RTL4: variants seen among roughly 807,000 people sequenced by gnomAD.
RTL4 encodes retrotransposon Gag-like protein 4.
RTL4 carries 4 observed loss-of-function variants against 5.3 expected under a neutral mutation model. The observed-to-expected ratio is 0.75, with a 90% CI of 0.37 to 1.72. The LOEUF (loss-of-function observed/expected upper bound fraction) is 1.72. RTL4 is among the 40% of genes most tolerant of loss of function. The probability of loss-of-function intolerance (pLI) is 0.04; values close to 1 mark genes in which losing one functional copy is unlikely to be tolerated. For synonymous variants in RTL4, 98 were observed against 87.3 expected (o/e 1.12, Z -0.68); for missense variants, 260 against 227.1 (o/e 1.14, Z -0.93).
chrX:112,229,079 A>AATCCTCATTC, the RTL4 span, among the ~76,000 whole-genome samples: 1 of 111,986 alleles, frequency 8.9e-6, no homozygotes, highest in African/African-American at 3.2e-5. Flanking sequence ...CAAGATCATT[A>AATCCTCATTC]ATCCTCATTC....
At chrX:112,345,053 G>T in the RTL4 span, among the ~76,000 whole-genome samples, 1 of 111,629 alleles carries the variant, frequency 9.0e-6, no homozygotes, top group Non-Finnish European at 1.9e-5. Flanking sequence ...CTGCCCTTGA[G>T]ACATAGGGAT....
At chrX:112,221,617 T>G in the RTL4 span, among the ~76,000 whole-genome samples, 1 of 112,172 alleles carries the variant, frequency 8.9e-6, no homozygotes, top group Non-Finnish European at 1.9e-5. Context: ...AGTTTATAGC[T>G]TGAGGGTCAT....
At chrX:112,272,386 T>A in the RTL4 span, among the ~76,000 whole-genome samples, 1 of 111,747 alleles carries the variant, frequency 8.9e-6, no homozygotes, top group Non-Finnish European at 1.9e-5. Flanking sequence ...GTCTGCGCAG[T>A]GGATCCTAAG....
the RTL4 span, among the ~76,000 whole-genome samples, chrX:112,200,707 C>T: frequency 4.5e-5 from 5 of 111,869 alleles, no homozygotes; most frequent in African/African-American, 1.6e-4. Context: ...GAGTTAAAAG[C>T]CAATAGGAAC....
chrX:112,256,395 C>T, the RTL4 span, among the ~76,000 whole-genome samples: 1 of 111,786 alleles, frequency 8.9e-6, no homozygotes, highest in Non-Finnish European at 1.9e-5. Context: ...TAGCATACTA[C>T]ACACACTGGT....
At chrX:112,353,760 G>C in the RTL4 span, among the ~76,000 whole-genome samples, 5 of 109,577 alleles carry the variant, frequency 4.6e-5, no homozygotes, top group Admixed American at 9.8e-5. Flanking sequence ...GTGCAGCACA[G>C]CAACATGGCA....
the RTL4 span, among the ~76,000 whole-genome samples, chrX:112,327,711 C>T: frequency 4.5e-5 from 5 of 110,603 alleles, no homozygotes; most frequent in Non-Finnish European, 7.6e-5. Context: ...TTGTCAGATT[C>T]ACCAAAGTTG....
At chrX:112,311,262 TTGA>T in the RTL4 span, among the ~76,000 whole-genome samples, 67 of 110,523 alleles carry the variant, frequency 6.1e-4, 1 homozygote, top group African/African-American at 2.2e-3. Flanking sequence ...GCTGGGGCCC[TTGA>T]TAATTCTCTT....
At chrX:112,405,445 A>T in the RTL4 span, among the ~76,000 whole-genome samples, 1 of 112,206 alleles carries the variant, frequency 8.9e-6, no homozygotes, top group South Asian at 3.7e-4. Context: ...ATGCAGGGCA[A>T]ATATTATAAC....
the RTL4 span, among the ~76,000 whole-genome samples, chrX:112,215,898 C>G: frequency 9.0e-6 from 1 of 111,305 alleles, no homozygotes. Flanking sequence ...GTGGCTGCAC[C>G]ATTTTACATT....
the RTL4 span, among the ~76,000 whole-genome samples, chrX:112,257,155 T>C: frequency 3.6e-5 from 4 of 112,027 alleles, no homozygotes; most frequent in African/African-American, 1.3e-4. Context: ...GAAATTACTT[T>C]TTATTCTGTT....
chrX:112,252,295 A>G, the RTL4 span, among the ~76,000 whole-genome samples: 1 of 111,836 alleles, frequency 8.9e-6, no homozygotes, highest in Non-Finnish European at 1.9e-5. Context: ...CCTAAAATCA[A>G]TCTCCTAACA....
At chrX:112,312,995 G>C in the RTL4 span, among the ~76,000 whole-genome samples, 1 of 111,244 alleles carries the variant, frequency 9.0e-6, no homozygotes, top group African/African-American at 3.3e-5. Flanking sequence ...GGAGTGCAGG[G>C]AATGTGTGTG....
chrX:112,350,804 T>C, the RTL4 span, among the ~76,000 whole-genome samples: 9 of 111,531 alleles, frequency 8.1e-5, no homozygotes, highest in African/African-American at 2.9e-4. Context: ...TTGTTGATCT[T>C]TTCAAAAAAC....
chrX:112,150,055 G>A, the RTL4 span, among the ~76,000 whole-genome samples: 33 of 111,441 alleles, frequency 3.0e-4, no homozygotes, highest in South Asian at 3.8e-4. Flanking sequence ...AGGCTGGAAC[G>A]TGCTTGTGTG....
At chrX:112,353,440 C>G in the RTL4 span, among the ~76,000 whole-genome samples, 1 of 111,353 alleles carries the variant, frequency 9.0e-6, no homozygotes, top group Non-Finnish European at 1.9e-5. Context: ...ACCCAAATAT[C>G]CAACAACGAT....
the RTL4 span, among the ~76,000 whole-genome samples, chrX:112,163,860 C>T: frequency 9.0e-6 from 1 of 111,415 alleles, no homozygotes; most frequent in Admixed American, 9.5e-5. Flanking sequence ...GGTGGGTGTT[C>T]ACAATGCTCT....
chrX:112,346,174 G>A, the RTL4 span, among the ~76,000 whole-genome samples: 1 of 111,526 alleles, frequency 9.0e-6, no homozygotes, highest in Non-Finnish European at 1.9e-5. Flanking sequence ...TGATTATGTT[G>A]TATTTTTATA....
the RTL4 span, among the ~76,000 whole-genome samples, chrX:112,330,283 C>G: frequency 1.2e-4 from 13 of 107,222 alleles, no homozygotes; most frequent in African/African-American, 4.6e-4. Flanking sequence ...CCCAAAATCT[C>G]CTTAGGCTGA....
Sources: allele counts gnomAD v4.1 joint callset (sites outside exome capture counted in the v4.1 genomes callset), GRCh38; gene constraint gnomAD v4.1.1; transcripts MANE v1.5; gene names NCBI Gene and HGNC (gene_info 2026-07-23, HGNC 2026-07-21).